The following ZFHX3 variants were observed in gnomAD, a reference collection of about 807,000 sequenced individuals.
ZFHX3 encodes zinc finger homeobox protein 3.
Under a neutral mutation model 279.1 loss-of-function variants are expected in ZFHX3, and 42 were observed. The ratio of observed to expected loss-of-function variants is 0.15; its 90% confidence interval spans 0.12 to 0.19. The LOEUF (loss-of-function observed/expected upper bound fraction) is 0.19, where lower values mean the gene tolerates loss of function less well. Ranked by LOEUF, ZFHX3 falls within the 10% of genes least tolerant of loss-of-function variation. The pLI is 1.00. For missense variants in ZFHX3, 4,981 were observed against 4,754.0 expected, an observed-to-expected ratio of 1.05 and a Z score of -1.40; for synonymous variants, 2,293 against 1,957.8, an observed-to-expected ratio of 1.17 and a Z score of -4.52.
intron 5 of ZFHX3, among the ~76,000 whole-genome samples, chr16:73,171,771 T>A (rs9921088): frequency 0.32 from 48,336 of 151,986 alleles, 8,417 homozygotes; most frequent in East Asian, 0.46. Context: ...CTCAAATCCA[T>A]GCTACTGTGC....
chr16:72,950,196 A>T (rs192380384), intron 3 of ZFHX3, among the ~76,000 whole-genome samples: 1 of 152,222 alleles, frequency 6.6e-6, no homozygotes, highest in Non-Finnish European at 1.5e-5. Context: ...GAAAAGAACC[A>T]ACCCTAGAGG....
At chr16:73,122,636 A>G (rs749929660) in intron 7 of ZFHX3, among the ~76,000 whole-genome samples, 1 of 152,150 alleles carries the variant, frequency 6.6e-6, no homozygotes, top group East Asian at 1.9e-4. Context: ...TTCCCTGTAG[A>G]CAAACTGTCC....
At chr16:73,616,239 G>C (rs1467720359) in intron 2 of ZFHX3, among the ~76,000 whole-genome samples, 1 of 151,264 alleles carries the variant, frequency 6.6e-6, no homozygotes, top group Non-Finnish European at 1.5e-5. Context: ...ATATTTACCT[G>C]ATGAGCTTTT....
At chr16:73,127,680 C>A in intron 7 of ZFHX3, 1 of 1,180,976 alleles carries the variant, frequency 8.5e-7, no homozygotes, top group Non-Finnish European at 1.1e-6. Flanking sequence ...TTTAAAACCC[C>A]GATGCTTTTT....
intron 1 of ZFHX3, among the ~76,000 whole-genome samples, chr16:73,047,531 A>G (rs1011822390): frequency 6.6e-6 from 1 of 152,076 alleles, no homozygotes; most frequent in Non-Finnish European, 1.5e-5. Flanking sequence ...GGGAGGACAG[A>G]GGGAAGGGAA....
chr16:72,983,177 A>G (rs1392712317), intron 1 of ZFHX3, among the ~76,000 whole-genome samples: 4 of 152,226 alleles, frequency 2.6e-5, no homozygotes, highest in African/African-American at 9.6e-5. Context: ...ATAGAAAACA[A>G]TGAGACTTAT....
Position 73,305,106 on chromosome 16 carries a change from G to T in ZFHX3, c.-1194+13134C>A, listed in dbSNP as rs74030050. On this transcript the variant is annotated intron_variant, in intron 4 of 17. Transcript: ENST00000641206. Reference sequence around the variant, plus strand: ...AAAAAAAAGCAGCCTAGGAAAAATGGCCCAAGATCGGAGAGAAAGAGCCAA... The same window carrying T: ...AAAAAAAAGCAGCCTAGGAAAAATGTCCCAAGATCGGAGAGAAAGAGCCAA... Among the ~76,000 whole-genome samples, 1,369 of 152,136 alleles carry T rather than the reference G, an allele frequency of 9.0e-3. 20 individuals are homozygous for T. Among genetic ancestry groups the T allele is most frequent in the African/African-American group, 0.025 (1,034 of 41,502 alleles).
At chr16:73,782,868 T>C (rs1392609347) in intron 1 of ZFHX3, among the ~76,000 whole-genome samples, 1 of 152,240 alleles carries the variant, frequency 6.6e-6, no homozygotes, top group Non-Finnish European at 1.5e-5. Flanking sequence ...TTCTTAGGAA[T>C]AAACTGTTGT....
At chr16:73,038,108 T>G (rs1964977504) in intron 1 of ZFHX3, among the ~76,000 whole-genome samples, 1 of 152,212 alleles carries the variant, frequency 6.6e-6, no homozygotes, top group South Asian at 2.1e-4. Flanking sequence ...CTCTTTCCAG[T>G]CACAGCTGTG....
At chr16:73,376,897 T>C (rs1293892447) in intron 3 of ZFHX3, among the ~76,000 whole-genome samples, 2 of 152,188 alleles carry the variant, frequency 1.3e-5, no homozygotes, top group Admixed American at 6.5e-5. Context: ...GACCTTCTAA[T>C]TATTGCCCTT....
chr16:72,893,392 G>A (rs545502148), intron 3 of ZFHX3, among the ~76,000 whole-genome samples: 40 of 152,310 alleles, frequency 2.6e-4, no homozygotes, highest in Admixed American at 5.2e-4. Flanking sequence ...AATGGCTGGA[G>A]TCTTCAATCT....
chr16:73,237,129 T>G (rs1440728528), intron 5 of ZFHX3, among the ~76,000 whole-genome samples: 1 of 152,146 alleles, frequency 6.6e-6, no homozygotes, highest in Admixed American at 6.6e-5. Flanking sequence ...TTGCCTAAGG[T>G]TGAAAGATAA....
chr16:72,809,684 T>C (rs1197102009), intron 7 of ZFHX3: 1 of 152,100 alleles, frequency 6.6e-6, no homozygotes, highest in Non-Finnish European at 1.5e-5. Context: ...CAGAACCAAA[T>C]GGAATAGAAA....
chr16:72,990,627 T>G (rs1484254360), intron 1 of ZFHX3, among the ~76,000 whole-genome samples: 1 of 152,190 alleles, frequency 6.6e-6, no homozygotes, highest in Admixed American at 6.5e-5. Flanking sequence ...TAAACGATTT[T>G]TGTCTAATAA....
At chr16:73,405,097 A>G (rs746764530) in intron 3 of ZFHX3, among the ~76,000 whole-genome samples, 2 of 152,182 alleles carry the variant, frequency 1.3e-5, no homozygotes, top group Non-Finnish European at 2.9e-5. Flanking sequence ...GAGCCTCTAG[A>G]TAACTCAGGA....
intron 3 of ZFHX3, among the ~76,000 whole-genome samples, chr16:73,380,487 T>C (rs1262803780): frequency 1.3e-5 from 2 of 152,210 alleles, no homozygotes; most frequent in Admixed American, 6.5e-5. Flanking sequence ...TTATCACTTT[T>C]GTGTTGATAT....
chr16:73,359,436 G>C (rs569090034), intron 3 of ZFHX3, among the ~76,000 whole-genome samples: 2 of 152,160 alleles, frequency 1.3e-5, no homozygotes, highest in Non-Finnish European at 2.9e-5. Flanking sequence ...ATCGGCAAAG[G>C]CTCAGTCTCA....
At chr16:72,989,344 T>C (rs1280980465) in intron 1 of ZFHX3, among the ~76,000 whole-genome samples, 1 of 151,722 alleles carries the variant, frequency 6.6e-6, no homozygotes, top group Admixed American at 6.6e-5. Context: ...TAGCCAGGCG[T>C]GGTGCTGCAT....
chr16:72,955,776 CAAA>C (rs11441187), intron 2 of ZFHX3, among the ~76,000 whole-genome samples: 3 of 106,144 alleles, frequency 2.8e-5, no homozygotes, highest in African/African-American at 7.6e-5. Context: ...GACTCTGTCT[CAAA>C]AAAAAAAAAA....
Sources: gnomAD v4.1 joint callset for allele counts (sites outside exome capture counted in the v4.1 genomes callset) on GRCh38, gnomAD v4.1.1 for gene constraint, MANE v1.5 for transcripts, NCBI Gene and HGNC (gene_info 2026-07-23, HGNC 2026-07-21) for gene names.